The following VEGFC variants were observed in gnomAD, a reference collection of about 807,000 sequenced individuals.
VEGFC encodes vascular endothelial growth factor C.
VEGFC carries 12 observed loss-of-function variants against 46.1 expected under a neutral mutation model. The observed-to-expected ratio is 0.26, with a 90% confidence interval of 0.17 to 0.42. The LOEUF is 0.42. Among genes scored for constraint, VEGFC ranks in the 10% least tolerant of loss-of-function variants. VEGFC has a pLI of 1.00. For synonymous variants in VEGFC, 232 were observed against 195.5 expected (o/e 1.19, Z -1.56); for missense variants, 488 against 529.4 (o/e 0.92, Z 0.77).
chr4:176,752,263 C>T (rs1424115192), intron 1 of VEGFC, among the ~76,000 whole-genome samples: 1 of 151,902 alleles, frequency 6.6e-6, no homozygotes. Context: ...GCCCCGGATC[C>T]TGAAAGGTGC....
At chr4:176,740,396 T>TTATATATAGTTATATATATTC (rs1450638203) in intron 1 of VEGFC, among the ~76,000 whole-genome samples, 1 of 118,158 alleles carries the variant, frequency 8.5e-6, no homozygotes, top group African/African-American at 3.3e-5. Context: ...AACTATATAT[T>TTATATATAGTTATATATATTC]TATATATAGT....
intron 3 of VEGFC, among the ~76,000 whole-genome samples, chr4:176,717,546 G>T (rs1734718202): frequency 1.3e-5 from 2 of 152,026 alleles, no homozygotes; most frequent in Admixed American, 6.6e-5. Context: ...AAAAGGTGTA[G>T]AACTTCCTTA....
At chr4:176,757,717 T>C (rs1382376212) in intron 1 of VEGFC, among the ~76,000 whole-genome samples, 2 of 152,058 alleles carry the variant, frequency 1.3e-5, no homozygotes, top group Non-Finnish European at 2.9e-5. Context: ...TTTTCTCCAT[T>C]GTCTTTTTCA....
At chr4:176,765,276 GA>G (rs1056052406) in intron 1 of VEGFC, among the ~76,000 whole-genome samples, 14 of 143,930 alleles carry the variant, frequency 9.7e-5, no homozygotes, top group Admixed American at 2.8e-4. Context: ...GAGAAAACTA[GA>G]AAAAAAAAAG....
chr4:176,713,603 G>A lies in VEGFC; in HGVS notation c.553-1953C>T, dbSNP rs552661064. 4.1e-4 allele frequency among the ~76,000 whole-genome samples: 62 copies of A among 152,262 alleles called. 1 individual carries two copies. The highest frequency in any genetic ancestry group is 1.4e-3 in the African/African-American group (59 of 41,560). ...AGGCAGTCACATATGTGTGTCTAGA[G>A]TTTAGGAGAGCCATTGAAAAGTCAT... On this transcript the variant is annotated intron_variant, in intron 3 of 6. Transcript: ENST00000618562.
chr4:176,721,616 A>G (rs1193254443), intron 3 of VEGFC, among the ~76,000 whole-genome samples: 3 of 152,176 alleles, frequency 2.0e-5, no homozygotes, highest in African/African-American at 7.2e-5. Flanking sequence ...GGTAGATTGA[A>G]TAGCAATTAG....
intron 3 of VEGFC, among the ~76,000 whole-genome samples, chr4:176,715,937 T>A (rs1227378729): frequency 1.3e-5 from 2 of 152,134 alleles, no homozygotes; most frequent in Admixed American, 6.6e-5. Context: ...ATTAGAGTCC[T>A]GGATCTTCAA....
intron 4 of VEGFC, among the ~76,000 whole-genome samples, chr4:176,693,284 G>C (rs922380080): frequency 2.0e-4 from 28 of 137,726 alleles, no homozygotes; most frequent in Non-Finnish European, 3.9e-4. Flanking sequence ...GTGCTTAAAG[G>C]AGCTGATGGA....
chr4:176,752,211 C>T (rs1052366269), intron 1 of VEGFC, among the ~76,000 whole-genome samples: 5 of 151,988 alleles, frequency 3.3e-5, no homozygotes, highest in Admixed American at 1.3e-4. Context: ...AAGTTCTTTA[C>T]GATTTTAAAG....
At chr4:176,785,518 A>G (rs1265904627) in intron 1 of VEGFC, among the ~76,000 whole-genome samples, 1 of 152,160 alleles carries the variant, frequency 6.6e-6, no homozygotes, top group African/African-American at 2.4e-5. Context: ...AAGTATTTAT[A>G]TTGTTTATTT....
intron 1 of VEGFC, among the ~76,000 whole-genome samples, chr4:176,749,628 G>A (rs924402065): frequency 1.3e-5 from 2 of 151,414 alleles, no homozygotes; most frequent in African/African-American, 4.8e-5. Context: ...AGGTACATAT[G>A]TATACAAAAA....
At chr4:176,741,665 A>C (rs1735177172) in intron 1 of VEGFC, among the ~76,000 whole-genome samples, 1 of 152,012 alleles carries the variant, frequency 6.6e-6, no homozygotes. Flanking sequence ...TGCAAATTGA[A>C]ATGTTTGGTG....
At chr4:176,750,784 T>C (rs938126457) in intron 1 of VEGFC, among the ~76,000 whole-genome samples, 3 of 151,564 alleles carry the variant, frequency 2.0e-5, no homozygotes. Context: ...TTTCAAAGAA[T>C]TGGTATCTTA....
intron 1 of VEGFC, among the ~76,000 whole-genome samples, chr4:176,747,049 T>C (rs912461007): frequency 6.6e-6 from 1 of 152,182 alleles, no homozygotes; most frequent in African/African-American, 2.4e-5. Flanking sequence ...GAATAAGTAG[T>C]ATGCTTTTGC....
intron 4 of VEGFC, among the ~76,000 whole-genome samples, chr4:176,694,339 G>C (rs1734268070): frequency 6.6e-6 from 1 of 152,048 alleles, no homozygotes; most frequent in South Asian, 2.1e-4. Context: ...CCTAGTCTCT[G>C]ATAAAACAGA....
chr4:176,688,402 T>G (rs1245215015), intron 4 of VEGFC, among the ~76,000 whole-genome samples: 1 of 152,192 alleles, frequency 6.6e-6, no homozygotes, highest in Non-Finnish European at 1.5e-5. Context: ...ATCACTTTGA[T>G]TTTGGCTTTT....
At position 176,739,995 on chromosome 4, in the gene VEGFC, TATATC is replaced by T. The variant is rs1735130340; in HGVS notation, c.148-10254_148-10250del. ...CGAATATATATAACTATATATTCGA[TATATC>T]GAATATATATAACTATATATTCGAT... On this transcript the variant is annotated intron_variant, in intron 1 of 6. Coordinates refer to ENST00000618562, the MANE Select transcript of VEGFC (RefSeq NM_005429.5). Among the ~76,000 whole-genome samples the T allele has an allele frequency of 4.7e-3, 74 of 15,742 alleles. 2 individuals carry two copies. The highest frequency in any genetic ancestry group is 5.5e-3 in the African/African-American group (69 of 12,634). The allele number at this position is 15,742 out of a possible 152,430, so 10.3% of individuals were successfully genotyped here. A position where few individuals can be genotyped will look rare whatever the true frequency, so the allele number is the denominator to read the frequency against.
chr4:176,695,823 A>T (rs534471199), intron 4 of VEGFC, among the ~76,000 whole-genome samples: 3 of 152,338 alleles, frequency 2.0e-5, no homozygotes, highest in Non-Finnish European at 4.4e-5. Flanking sequence ...GACTGGTTCA[A>T]TATATGCAAA....
chr4:176,689,219 A>C (rs1379560308), intron 4 of VEGFC: 1 of 152,194 alleles, frequency 6.6e-6, no homozygotes, highest in Non-Finnish European at 1.5e-5. Flanking sequence ...GAACATAGTA[A>C]GAATCCTATG....
Sources: gnomAD v4.1 joint callset for allele counts (sites outside exome capture counted in the v4.1 genomes callset) on GRCh38, gnomAD v4.1.1 for gene constraint, MANE v1.5 for transcripts, NCBI Gene and HGNC (gene_info 2026-07-23, HGNC 2026-07-21) for gene names.